The following PDZRN4 variants were observed in gnomAD, a reference collection of about 807,000 sequenced individuals.
PDZRN4 encodes PDZ domain-containing RING finger protein 4.
PDZRN4 carries 70 observed loss-of-function variants against 99.0 expected under a neutral mutation model. The ratio of observed to expected loss-of-function variants is 0.71; its 90% CI spans 0.58 to 0.86. The LOEUF (loss-of-function observed/expected upper bound fraction) is 0.86. PDZRN4 is among the 40% of genes least tolerant of loss of function. PDZRN4 has a pLI of 0.00. For missense variants in PDZRN4, 1,474 were observed against 1,331.2 expected (o/e 1.11, Z -1.67); for synonymous variants, 551 against 501.6 (o/e 1.10, Z -1.32).
intron 7 of PDZRN4, among the ~76,000 whole-genome samples, chr12:41,561,339 TA>T (rs1200470430): frequency 1.3e-5 from 2 of 151,892 alleles, no homozygotes; most frequent in Non-Finnish European, 2.9e-5. Context: ...ACAATAACAA[TA>T]GCATCAACAG....
chr12:41,442,825 T>G (rs1202277344), intron 3 of PDZRN4, among the ~76,000 whole-genome samples: 2 of 152,002 alleles, frequency 1.3e-5, no homozygotes, highest in African/African-American at 4.8e-5. Context: ...ACCAAGAGAA[T>G]CAGAGACATC....
chr12:41,300,685 G>T (rs1951530129), intron 3 of PDZRN4, among the ~76,000 whole-genome samples: 1 of 151,844 alleles, frequency 6.6e-6, no homozygotes, highest in Admixed American at 6.6e-5. Context: ...ATATCCATAA[G>T]ATATTTGTCA....
At chr12:41,543,070 A>G (rs915752894) in intron 5 of PDZRN4, among the ~76,000 whole-genome samples, 24 of 152,054 alleles carry the variant, frequency 1.6e-4, no homozygotes, top group African/African-American at 5.3e-4. Flanking sequence ...TCCTCTCTTA[A>G]TACATCCCTA....
chr12:41,330,251 C>T (rs994773184), intron 3 of PDZRN4, among the ~76,000 whole-genome samples: 6 of 152,020 alleles, frequency 3.9e-5, no homozygotes, highest in African/African-American at 1.2e-4. Flanking sequence ...GCAGAGCTCA[C>T]GAGTTGTCCT....
intron 3 of PDZRN4, among the ~76,000 whole-genome samples, chr12:41,245,446 T>C (rs1195138395): frequency 6.6e-6 from 1 of 152,116 alleles, no homozygotes; most frequent in Non-Finnish European, 1.5e-5. Flanking sequence ...ATGTACAAAA[T>C]TAATTAGAAT....
chr12:41,341,586 ATTATAT>A (rs1385761465), intron 3 of PDZRN4, among the ~76,000 whole-genome samples: 2 of 151,858 alleles, frequency 1.3e-5, no homozygotes, highest in Non-Finnish European at 2.9e-5. Context: ...CAATGAAACA[ATTATAT>A]TTATAATAGC....
intron 3 of PDZRN4, among the ~76,000 whole-genome samples, chr12:41,353,048 C>T (rs901334664): frequency 4.0e-5 from 6 of 151,778 alleles, no homozygotes; most frequent in East Asian, 1.9e-4. Context: ...TCTGGGAAAA[C>T]GAAGAGAGAA....
At chr12:41,414,412 G>A (rs915377481) in intron 3 of PDZRN4, among the ~76,000 whole-genome samples, 12 of 151,864 alleles carry the variant, frequency 7.9e-5, no homozygotes, top group Non-Finnish European at 1.8e-4. Flanking sequence ...TGTCTTCCAG[G>A]CTGTTTACTT....
At chr12:41,501,591 C>T (rs1274243811) in intron 3 of PDZRN4, among the ~76,000 whole-genome samples, 1 of 152,098 alleles carries the variant, frequency 6.6e-6, no homozygotes, top group Admixed American at 6.6e-5. Context: ...ATTCATTAGC[C>T]CATCTGCCAT....
At chr12:41,290,623 A>G (rs1005633273) in intron 3 of PDZRN4, among the ~76,000 whole-genome samples, 1 of 152,124 alleles carries the variant, frequency 6.6e-6, no homozygotes, top group African/African-American at 2.4e-5. Context: ...TACAAAATCT[A>G]GTATTGATAT....
chr12:41,235,362 A>G (rs1378580415), intron 3 of PDZRN4, among the ~76,000 whole-genome samples: 1 of 152,170 alleles, frequency 6.6e-6, no homozygotes, highest in Non-Finnish European at 1.5e-5. Context: ...TAAAAACAAT[A>G]TGGGTTTAAA....
intron 3 of PDZRN4, among the ~76,000 whole-genome samples, chr12:41,350,101 C>T (rs1951880190): frequency 6.6e-6 from 1 of 151,874 alleles, no homozygotes. Context: ...GTGAATGTAT[C>T]ATTCCTTCAT....
intron 3 of PDZRN4, among the ~76,000 whole-genome samples, chr12:41,212,421 C>T (rs944294679): frequency 6.6e-6 from 1 of 151,910 alleles, no homozygotes; most frequent in Non-Finnish European, 1.5e-5. Context: ...TACCCATGTC[C>T]TCTAAATATG....
chr12:41,351,317 A>C (rs1056942973), intron 3 of PDZRN4, among the ~76,000 whole-genome samples: 14 of 152,074 alleles, frequency 9.2e-5, no homozygotes, highest in Non-Finnish European at 2.1e-4. Context: ...TGTAGGTAAA[A>C]CAGCTTCTTC....
chr12:41,534,159 A>G (rs1424685556), intron 5 of PDZRN4, among the ~76,000 whole-genome samples: 2 of 152,308 alleles, frequency 1.3e-5, no homozygotes, highest in Middle Eastern at 3.4e-3. Flanking sequence ...TTTTTAAGCT[A>G]TTATACTCAT....
chr12:41,378,521 T>TTTTTTTTTTTTTTC (rs1491452173), intron 3 of PDZRN4, among the ~76,000 whole-genome samples: 1 of 20,582 alleles, frequency 4.9e-5, no homozygotes, highest in African/African-American at 1.4e-4. Context: ...CTGTCTTCAA[T>TTTTTTTTTTTTTTC]TTTTTTTTTT....
intron 3 of PDZRN4, among the ~76,000 whole-genome samples, chr12:41,359,386 A>G (rs1368493268): frequency 6.6e-6 from 1 of 152,004 alleles, no homozygotes; most frequent in Admixed American, 6.6e-5. Flanking sequence ...CTGAAAAGCA[A>G]TCTTCTGTAG....
intron 3 of PDZRN4, among the ~76,000 whole-genome samples, chr12:41,322,860 G>A (rs1391079717): frequency 6.6e-6 from 1 of 150,608 alleles, no homozygotes; most frequent in Admixed American, 6.6e-5. Flanking sequence ...TCTTTTTCTC[G>A]ATTTCTTTCC....
intron 3 of PDZRN4, among the ~76,000 whole-genome samples, chr12:41,386,657 A>T (rs1952172423): frequency 6.6e-6 from 1 of 152,182 alleles, no homozygotes; most frequent in East Asian, 1.9e-4. Flanking sequence ...AAAGAGCCTG[A>T]ATAACCAAGG....
Sources: allele counts gnomAD v4.1 joint callset (sites outside exome capture counted in the v4.1 genomes callset), GRCh38; gene constraint gnomAD v4.1.1; transcripts MANE v1.5; gene names NCBI Gene and HGNC (gene_info 2026-07-23, HGNC 2026-07-21).